Variants in BACH1 observed in about 807,000 individuals in gnomAD.
The protein encoded by BACH1 is transcription regulator protein BACH1.
Under a neutral mutation model 52.9 loss-of-function variants are expected in BACH1, and 35 were observed. The observed-to-expected ratio is 0.66, with a 90% CI of 0.51 to 0.88. The LOEUF (loss-of-function observed/expected upper bound fraction) is 0.88. BACH1 is among the 40% of genes least tolerant of loss of function. The probability of loss-of-function intolerance (pLI) is 0.00; values close to 1 mark genes in which losing one functional copy is unlikely to be tolerated. For missense variants in BACH1, 808 were observed against 872.6 expected, an observed-to-expected ratio of 0.93 and a Z score of 0.93; for synonymous variants, 321 against 319.6, an observed-to-expected ratio of 1.00 and a Z score of -0.05.
chr21:29,345,231 A>G lies in BACH1; in HGVS notation c.*2398A>G, dbSNP rs2089156935. 6.6e-6 allele frequency: 1 copy of G among 152,636 alleles called. No individual in the cohort carries two copies. The highest frequency in any genetic ancestry group is 2.4e-5 in the African/African-American group (1 of 41,462). 9.5% of individuals were successfully genotyped at this position (152,636 alleles called of 1,614,324 possible). On this transcript the variant is annotated 3_prime_UTR_variant, in exon 5 of 5. Coordinates refer to ENST00000286800, the MANE Select transcript of BACH1 (RefSeq NM_001186.4). ...TTCTGTATATTGCATAGCATTACAC[A>G]TTTATGCCTATTTTAACATTAACTT...
intron 2 of BACH1, among the ~76,000 whole-genome samples, chr21:29,352,254 G>A (rs1385714187): frequency 2.0e-5 from 3 of 151,874 alleles, no homozygotes; most frequent in East Asian, 3.9e-4. Flanking sequence ...GGGGTTTCAC[G>A]TGTTGGCCAG....
At chr21:29,335,920 T>C (rs2089039310) in intron 4 of BACH1, among the ~76,000 whole-genome samples, 1 of 152,230 alleles carries the variant, frequency 6.6e-6, no homozygotes, top group African/African-American at 2.4e-5. Context: ...TACCATATTA[T>C]GACACTTCAT....
At chr21:29,353,277 G>C (rs2089213911) in intron 2 of BACH1, among the ~76,000 whole-genome samples, 3 of 152,180 alleles carry the variant, frequency 2.0e-5, no homozygotes, top group Admixed American at 2.0e-4. Context: ...AAAAAATAGA[G>C]GAAATAACCA....
At chr21:29,332,970 G>A (rs993252329) in intron 4 of BACH1, among the ~76,000 whole-genome samples, 1 of 152,128 alleles carries the variant, frequency 6.6e-6, no homozygotes, top group African/African-American at 2.4e-5. Flanking sequence ...TGGAATTTTT[G>A]TATCAGAGTG....
At chr21:29,330,378 C>A (rs1255247082) in intron 4 of BACH1, among the ~76,000 whole-genome samples, 1 of 151,830 alleles carries the variant, frequency 6.6e-6, no homozygotes, top group African/African-American at 2.4e-5. Flanking sequence ...GATGGGGTTT[C>A]ACTGTGTGAG....
chr21:29,331,665 A>G (rs1229936253), intron 4 of BACH1, among the ~76,000 whole-genome samples: 1 of 152,106 alleles, frequency 6.6e-6, no homozygotes, highest in African/African-American at 2.4e-5. Flanking sequence ...TGGGCTCTCA[A>G]TCAGATGCTT....
chr21:29,323,079 A>G (rs2088867866), intron 2 of BACH1, among the ~76,000 whole-genome samples: 1 of 152,210 alleles, frequency 6.6e-6, no homozygotes, highest in African/African-American at 2.4e-5. Context: ...TTATAGTGAC[A>G]ATGTCAAAAT....
chr21:29,316,858 T>C (rs1270100082), intron 1 of BACH1, among the ~76,000 whole-genome samples: 1 of 152,228 alleles, frequency 6.6e-6, no homozygotes, highest in African/African-American at 2.4e-5. Context: ...CTGGCCTCTT[T>C]TTTGTCCCTC....
intron 4 of BACH1, among the ~76,000 whole-genome samples, chr21:29,331,253 G>A (rs577827759): frequency 1.3e-5 from 2 of 152,116 alleles, no homozygotes; most frequent in African/African-American, 2.4e-5. Flanking sequence ...ACATAAAATT[G>A]TACTACTGAA....
intron 4 of BACH1, among the ~76,000 whole-genome samples, chr21:29,331,359 C>A (rs1028889591): frequency 6.6e-6 from 1 of 152,124 alleles, no homozygotes; most frequent in Admixed American, 6.5e-5. Context: ...TTTTCTTACT[C>A]CTCTAAAAAT....
intron 1 of BACH1, among the ~76,000 whole-genome samples, chr21:29,310,150 G>A (rs997796201): frequency 6.6e-6 from 1 of 152,088 alleles, no homozygotes; most frequent in Non-Finnish European, 1.5e-5. Context: ...CCAATTATCT[G>A]CTGATGACTG....
chr21:29,317,204 C>T (rs2088797719), intron 1 of BACH1, among the ~76,000 whole-genome samples: 1 of 152,224 alleles, frequency 6.6e-6, no homozygotes, highest in African/African-American at 2.4e-5. Flanking sequence ...ATTGCACCCG[C>T]CCATGTGGGG....
chr21:29,329,729 C>T (rs1199510491), intron 4 of BACH1, 36 bp downstream of exon 4: 3 of 1,391,532 alleles, frequency 2.2e-6, no homozygotes, highest in Non-Finnish European at 2.9e-6. Flanking sequence ...ATTTAAATTC[C>T]ACCACTTTCT....
At chr21:29,340,289 A>C (rs1747418248) in intron 4 of BACH1, among the ~76,000 whole-genome samples, 1 of 152,224 alleles carries the variant, frequency 6.6e-6, no homozygotes, top group African/African-American at 2.4e-5. Context: ...GCTGTGTAGG[A>C]GTTAAAGTGC....
chr21:29,337,900 G>A (rs2089063631), intron 4 of BACH1, among the ~76,000 whole-genome samples: 1 of 152,046 alleles, frequency 6.6e-6, no homozygotes, highest in Non-Finnish European at 1.5e-5. Context: ...TTGCACTCCA[G>A]CCTGGGCTAC....
chr21:29,325,988 C>A (rs773432364), intron 2 of BACH1, 71 bp from the exon 3 acceptor site: 32 of 1,401,474 alleles, frequency 2.3e-5, no homozygotes, highest in Non-Finnish European at 3.0e-5. Context: ...TATTCCTCTT[C>A]TACTTATTTT....
intron 4 of BACH1, among the ~76,000 whole-genome samples, chr21:29,333,289 A>G (rs1324032968): frequency 6.6e-6 from 1 of 152,188 alleles, no homozygotes; most frequent in African/African-American, 2.4e-5. Flanking sequence ...TAAACAGAAA[A>G]CTAGGAGGGT....
At chr21:29,356,966 G>A (rs2089238437) in intron 2 of BACH1, among the ~76,000 whole-genome samples, 1 of 151,786 alleles carries the variant, frequency 6.6e-6, no homozygotes, top group African/African-American at 2.4e-5. Flanking sequence ...CCTTTTGATG[G>A]CTTTGGCAGT....
chr21:29,299,948 C>T (rs554005327), intron 1 of BACH1, among the ~76,000 whole-genome samples: 1 of 152,212 alleles, frequency 6.6e-6, no homozygotes, highest in South Asian at 2.1e-4. Context: ...CCCTTTACAT[C>T]AGAGGGTCTG....
Sources: gnomAD v4.1 joint callset for allele counts (sites outside exome capture counted in the v4.1 genomes callset) on GRCh38, gnomAD v4.1.1 for gene constraint, MANE v1.5 for transcripts, NCBI Gene and HGNC (gene_info 2026-07-23, HGNC 2026-07-21) for gene names.